Variants in PNISR observed in about 807,000 individuals in gnomAD.
PNISR encodes arginine/serine-rich protein PNISR.
In PNISR, 20 loss-of-function variants were observed where a neutral mutation model predicts 93.4. The observed-to-expected ratio is 0.21, with a 90% CI of 0.15 to 0.31. PNISR has a LOEUF of 0.31. Among genes scored for constraint, PNISR ranks in the 10% least tolerant of loss-of-function variants. The probability of loss-of-function intolerance (pLI) is 1.00; values close to 1 mark genes in which losing one functional copy is unlikely to be tolerated. For missense variants in PNISR, 893 were observed against 985.4 expected (o/e 0.91, Z 1.25); for synonymous variants, 305 against 306.5 (o/e 0.99, Z 0.05).
chr6:99,411,963 T>C (rs1291323484), intron 4 of PNISR: 4 of 222,698 alleles, frequency 1.8e-5, no homozygotes, highest in Admixed American at 1.0e-4. Flanking sequence ...TAGTTTCAAG[T>C]GACTATTAAA....
intron 1 of PNISR, among the ~76,000 whole-genome samples, chr6:99,417,408 C>T (rs1209316970): frequency 6.6e-6 from 1 of 152,182 alleles, no homozygotes; most frequent in South Asian, 2.1e-4. Flanking sequence ...AGAGCACAGG[C>T]TCTGGTTCAG....
At chr6:99,417,392 G>A (rs1262432219) in intron 1 of PNISR, among the ~76,000 whole-genome samples, 3 of 152,118 alleles carry the variant, frequency 2.0e-5, no homozygotes, top group Non-Finnish European at 4.4e-5. Flanking sequence ...TTGTCACCTA[G>A]ACTTCAGAGC....
intron 1 of PNISR, chr6:99,425,002 ACTCTCTTTAAC>A: frequency 2.6e-6 from 1 of 378,260 alleles, no homozygotes. Flanking sequence ...GACCGTGAGC[ACTCTCTTTAAC>A]AAGGACATTT....
intron 7 of PNISR, 61 bp downstream of exon 7, chr6:99,408,020 A>T: frequency 8.2e-7 from 1 of 1,215,992 alleles, no homozygotes. Context: ...TATCTATTTC[A>T]GTAAAGTTTT....
rs187596043 is a variant in PNISR, at chr6:99,404,459, G to C, written c.1102+144C>G. On this transcript the variant is annotated intron_variant, in intron 9 of 11. Coordinates refer to ENST00000369239, the MANE Select transcript of PNISR (RefSeq NM_032870.4). The stretch of plus-strand genomic sequence containing the variant: ...TGTATAGCTTTAATATGGTGTCTAC[G>C]AATCTAATCTTTAAGAGTTAAAACA... The C allele has an allele frequency of 5.8e-6, 4 of 689,760 alleles. No individual in the cohort carries two copies. The South Asian group carries it at 6.0e-5, about 10-fold the overall frequency. The allele number at this position is 689,760 out of a possible 1,614,324, so 42.7% of individuals were successfully genotyped here.
Position 99,416,186 on chromosome 6 carries a change from C to A in PNISR, c.-32+163G>T, listed in dbSNP as rs571649359. ...TCTGTTCAGTGTTTCCTTCTTCCTCCCCTTTTTGTCCTGTCCAGTTTCCCA... is the reference window on the plus strand; with the variant it reads ...TCTGTTCAGTGTTTCCTTCTTCCTCACCTTTTTGTCCTGTCCAGTTTCCCA... On this transcript the variant is annotated intron_variant, in intron 2 of 11. Coordinates refer to ENST00000369239, the MANE Select transcript of PNISR (RefSeq NM_032870.4). 328 of 387,370 alleles carry A rather than the reference C, an allele frequency of 8.5e-4. 2 individuals carry two copies. The highest frequency in any genetic ancestry group is 6.2e-3 in the African/African-American group (302 of 48,460). The allele number at this position is 387,370 out of a possible 1,614,324, so 24.0% of individuals were successfully genotyped here. A position where few individuals can be genotyped will look rare whatever the true frequency, so the allele number is the denominator to read the frequency against.
intron 1 of PNISR, among the ~76,000 whole-genome samples, chr6:99,424,381 T>C (rs765401109): frequency 6.6e-6 from 1 of 151,802 alleles, no homozygotes; most frequent in African/African-American, 2.4e-5. Flanking sequence ...AAACAAAAAC[T>C]GTTCTAAAAC....
Position 99,410,923 on chromosome 6 carries a change from G to C in PNISR, c.319C>G (p.Gln107Glu). Reference protein sequence around the residue: ...HQQPPHPPPDQPWMPPTPGPM... With the variant: ...HQQPPHPPPDEPWMPPTPGPM... ...CCTGGTGTTGGTGGCATCCATGGCTGATCTGGAGGGGGGTGTGGGGGTTGC... is the reference window on the plus strand; with the variant it reads ...CCTGGTGTTGGTGGCATCCATGGCTCATCTGGAGGGGGGTGTGGGGGTTGC... The change falls in exon 5 of 12, where the codon CAG (glutamine) becomes GAG (glutamate). Residue 107 changes from glutamine to glutamate, a missense_variant. Transcript: ENST00000369239. 1.2e-6 allele frequency: 2 copies of C among 1,614,072 alleles called. No homozygotes were observed. The highest frequency in any genetic ancestry group is 1.7e-6 in the Non-Finnish European group (2 of 1,179,954).
At chr6:99,424,085 C>A (rs938462788) in intron 1 of PNISR, among the ~76,000 whole-genome samples, 6 of 152,184 alleles carry the variant, frequency 3.9e-5, no homozygotes, top group Non-Finnish European at 7.4e-5. Context: ...GGGCACAAGT[C>A]AGCCCTTAAC....
At chr6:99,416,728 C>T (rs937306775) in intron 1 of PNISR, among the ~76,000 whole-genome samples, 2 of 152,012 alleles carry the variant, frequency 1.3e-5, no homozygotes, top group Non-Finnish European at 2.9e-5. Context: ...GAACAACAAA[C>T]ATTTGAAATG....
intron 1 of PNISR, 113 bp downstream of exon 1, chr6:99,425,102 C>A: frequency 1.6e-6 from 1 of 607,794 alleles, no homozygotes; most frequent in Non-Finnish European, 2.4e-6. Flanking sequence ...TTCCAGCGGT[C>A]GCGCCAAGCA....
At position 99,404,721 on chromosome 6, in the gene PNISR, TAC is replaced by T. The variant is rs1369898319; in HGVS notation, c.1003-21_1003-20del. 2 of 1,229,304 alleles carry T rather than the reference TAC, an allele frequency of 1.6e-6. No homozygotes were observed. The highest frequency in any genetic ancestry group is 2.4e-6 in the Non-Finnish European group (2 of 832,734). 76.1% of individuals were successfully genotyped at this position (1,229,304 alleles called of 1,614,324 possible). A position where few individuals can be genotyped will look rare whatever the true frequency, so the allele number is the denominator to read the frequency against. On this transcript the variant is annotated intron_variant, in intron 8 of 11. Coordinates refer to ENST00000369239, the MANE Select transcript of PNISR (RefSeq NM_032870.4). ...GCAACATCTAAAAAAGAGCATTTTATACAGTATTTCTAATTATTATAGCTACT... is the reference window on the plus strand; with the variant it reads ...GCAACATCTAAAAAAGAGCATTTTATAGTATTTCTAATTATTATAGCTACT...
intron 5 of PNISR, 76 bp downstream of exon 5, chr6:99,410,665 G>A (rs1331961853): frequency 1.1e-5 from 11 of 980,828 alleles, no homozygotes; most frequent in Middle Eastern, 2.1e-4. Context: ...CGTATCTTAG[G>A]TATTCTTGAT....
At chr6:99,423,910 A>G (rs933793405) in intron 1 of PNISR, among the ~76,000 whole-genome samples, 6 of 152,166 alleles carry the variant, frequency 3.9e-5, no homozygotes, top group Admixed American at 3.9e-4. Context: ...ATGTCTTCAC[A>G]TGATCATCCC....
intron 1 of PNISR, among the ~76,000 whole-genome samples, chr6:99,423,381 T>C (rs1778892260): frequency 2.0e-5 from 3 of 152,166 alleles, no homozygotes; most frequent in African/African-American, 7.2e-5. Flanking sequence ...TATGTAAATA[T>C]TCCACCCTAA....
chr6:99,406,732 A>G (rs1776197707), intron 7 of PNISR, among the ~76,000 whole-genome samples: 1 of 152,186 alleles, frequency 6.6e-6, no homozygotes, highest in Admixed American at 6.5e-5. Context: ...TTCAGATTAA[A>G]CAAATGCCAG....
chr6:99,412,556 T>C lies in PNISR; in HGVS notation c.272A>G (p.Gln91Arg), dbSNP rs1366426859. 1.9e-6 allele frequency: 3 copies of C among 1,580,156 alleles called. No individual in the cohort carries two copies. Among genetic ancestry groups the C allele is most frequent in the Admixed American group, 1.9e-5 (1 of 53,306 alleles). The change falls in exon 4 of 12, where the codon CAA (glutamine) becomes CGA (arginine). Residue 91 changes from glutamine (Q) to arginine (R), a missense_variant. By Grantham distance (43) the Gln-to-Arg change is conservative. Transcript: ENST00000369239. The part of the protein sequence containing the change: ...QGDSNFNRMW[Q>R]PEWGMHQQPP... ...TGAAAACATAAACAACAAACCTGGT[T>C]GCCACATTCTGTTGAAGTTTGAATC...
At chr6:99,401,854 T>A (rs906956003) in intron 11 of PNISR, among the ~76,000 whole-genome samples, 2 of 152,202 alleles carry the variant, frequency 1.3e-5, no homozygotes. Flanking sequence ...CAACACATAA[T>A]AAATTTAAAA....
chr6:99,404,191 T>G (rs894543641), intron 9 of PNISR: 1 of 385,308 alleles, frequency 2.6e-6, no homozygotes, highest in Non-Finnish European at 4.7e-6. Context: ...ACTAAAAATC[T>G]AGGGGTAGGA....
Sources: gnomAD v4.1 joint callset for allele counts (sites outside exome capture counted in the v4.1 genomes callset) on GRCh38, gnomAD v4.1.1 for gene constraint, MANE v1.5 for transcripts, NCBI Gene and HGNC (gene_info 2026-07-23, HGNC 2026-07-21) for gene names.